The following ACSL3 variants were observed in gnomAD, a reference collection of about 807,000 sequenced individuals.
ACSL3 encodes acyl-CoA synthetase long chain family member 3, also known as fatty acid CoA ligase Acsl3.
A neutral mutation model predicts 84.7 loss-of-function variants in ACSL3; 34 were observed. The ratio of observed to expected loss-of-function variants is 0.40; its 90% CI spans 0.31 to 0.53. ACSL3 has a LOEUF of 0.53. ACSL3 is among the 20% of genes least tolerant of loss of function. The pLI, the probability that ACSL3 is intolerant of heterozygous loss-of-function variation, is 0.48. For synonymous variants in ACSL3, 315 were observed against 299.4 expected (o/e 1.05, Z -0.54); for missense variants, 680 against 873.1 (o/e 0.78, Z 2.79).
intron 1 of ACSL3, among the ~76,000 whole-genome samples, chr2:222,866,372 T>C (rs543287094): frequency 4.1e-4 from 62 of 152,270 alleles, no homozygotes; most frequent in African/African-American, 1.4e-3. Context: ...GTCTTGATCT[T>C]CTGACCTTGT....
chr2:222,894,376 A>G (rs913200855), intron 2 of ACSL3, among the ~76,000 whole-genome samples: 6 of 152,372 alleles, frequency 3.9e-5, no homozygotes, highest in South Asian at 2.1e-4. Context: ...AAAATATAAG[A>G]TGTAAATAAC....
intron 1 of ACSL3, among the ~76,000 whole-genome samples, chr2:222,861,909 A>AC (rs1232492138): frequency 2.0e-5 from 3 of 152,058 alleles, no homozygotes; most frequent in Non-Finnish European, 2.9e-5. Context: ...ACTGCTTACT[A>AC]CCAGCAGTCC....
At chr2:222,925,945 T>C (rs1696865692) in intron 11 of ACSL3, among the ~76,000 whole-genome samples, 2 of 152,216 alleles carry the variant, frequency 1.3e-5, no homozygotes, top group Non-Finnish European at 1.5e-5. Context: ...TTTTTTATGG[T>C]AATATTAATA....
intron 1 of ACSL3, among the ~76,000 whole-genome samples, chr2:222,881,419 A>C (rs528293943): frequency 4.2e-4 from 64 of 152,350 alleles, no homozygotes; most frequent in African/African-American, 1.5e-3. Flanking sequence ...TTTCAGTATG[A>C]TGTTTAATGT....
chr2:222,867,757 G>C (rs1322518551), intron 1 of ACSL3, among the ~76,000 whole-genome samples: 1 of 152,056 alleles, frequency 6.6e-6, no homozygotes, highest in African/African-American at 2.4e-5. Context: ...TTACCGTTAA[G>C]TATTATTGAA....
At chr2:222,934,391 A>G (rs992188384) in intron 15 of ACSL3, 139 bp from the exon 16 acceptor site, 1 of 587,846 alleles carries the variant, frequency 1.7e-6, no homozygotes, top group East Asian at 3.4e-5. Flanking sequence ...GTTGCATGAA[A>G]TGGATATGCC....
In ACSL3 at chr2:222,918,100, A is replaced by G. The variant is rs1424241291; in HGVS notation, c.611A>G (p.Glu204Gly). 6.2e-7 allele frequency: 1 copy of G among 1,612,652 alleles called. No individual in the cohort carries two copies. The highest frequency in any genetic ancestry group is 8.5e-7 in the Non-Finnish European group (1 of 1,179,234). ...CCAGCCATTGTTCATGCATTAAATG[A>G]AACAGAGGTGACCAACATCATTACT... is the stretch of plus-strand genomic sequence containing the variant. ...GGPAIVHALN[E>G]TEVTNIITSK... Residue 204 changes from glutamate to glycine, a missense_variant, in exon 6 of 17, where the codon GAA becomes GGA. Coordinates refer to ENST00000357430, the MANE Select transcript of ACSL3 (RefSeq NM_004457.5).
intron 2 of ACSL3, among the ~76,000 whole-genome samples, chr2:222,890,951 G>T (rs984438429): frequency 9.9e-5 from 15 of 152,140 alleles, no homozygotes; most frequent in African/African-American, 3.6e-4. Flanking sequence ...CCGAAAAGAG[G>T]TATATTTAAA....
At chr2:222,933,438 C>T in intron 15 of ACSL3, 158 bp downstream of exon 15, 1 of 538,500 alleles carries the variant, frequency 1.9e-6, no homozygotes, top group Non-Finnish European at 3.3e-6. Flanking sequence ...TTAGCTGACT[C>T]TTTTCCTTGT....
intron 4 of ACSL3, among the ~76,000 whole-genome samples, chr2:222,915,912 A>AT (rs1192608608): frequency 6.6e-6 from 1 of 152,220 alleles, no homozygotes; most frequent in Non-Finnish European, 1.5e-5. Context: ...ATAGAGAGAA[A>AT]TTAAAATTTT....
chr2:222,861,993 G>C (rs1695027388), intron 1 of ACSL3, among the ~76,000 whole-genome samples: 1 of 152,176 alleles, frequency 6.6e-6, no homozygotes, highest in Admixed American at 6.5e-5. Flanking sequence ...GGTTTTCGCA[G>C]GAAGTCTGAT....
intron 6 of ACSL3, 33 bp downstream of exon 6, chr2:222,918,188 T>A: frequency 6.9e-7 from 1 of 1,443,518 alleles, no homozygotes; most frequent in Non-Finnish European, 9.7e-7. Flanking sequence ...AACTGTCTGA[T>A]ACTTTAGAAT....
At chr2:222,937,058 C>G (rs184833520) in intron 16 of ACSL3, among the ~76,000 whole-genome samples, 14 of 152,276 alleles carry the variant, frequency 9.2e-5, no homozygotes, top group African/African-American at 3.4e-4. Flanking sequence ...CAGAACTAAA[C>G]CTTATCAGGA....
chr2:222,902,737 A>G (rs1359811546), intron 3 of ACSL3, among the ~76,000 whole-genome samples: 1 of 152,222 alleles, frequency 6.6e-6, no homozygotes, highest in Non-Finnish European at 1.5e-5. Context: ...CACAAATTGA[A>G]TACCAGGGCC....
chr2:222,914,987 A>G (rs527795210), intron 4 of ACSL3, among the ~76,000 whole-genome samples: 3 of 152,386 alleles, frequency 2.0e-5, no homozygotes, highest in African/African-American at 2.4e-5. Flanking sequence ...GCATGAGTTT[A>G]CATATTTAGA....
intron 3 of ACSL3, among the ~76,000 whole-genome samples, chr2:222,907,207 A>G (rs1696315532): frequency 1.3e-5 from 2 of 152,200 alleles, no homozygotes; most frequent in African/African-American, 4.8e-5. Context: ...GGTGAGGCAA[A>G]GATGATCTGT....
intron 1 of ACSL3, among the ~76,000 whole-genome samples, chr2:222,867,844 G>T (rs149104499): frequency 6.6e-6 from 1 of 151,428 alleles, no homozygotes; most frequent in South Asian, 2.1e-4. Context: ...TTTTTGTCTC[G>T]GCCTTCCTCT....
At chr2:222,880,747 G>C (rs747723092) in intron 1 of ACSL3, among the ~76,000 whole-genome samples, 1 of 150,888 alleles carries the variant, frequency 6.6e-6, no homozygotes, top group Non-Finnish European at 1.5e-5. Context: ...GGAGAATGGC[G>C]TGAACCCGGG....
At chr2:222,876,992 T>A (rs796378478) in intron 1 of ACSL3, among the ~76,000 whole-genome samples, 5 of 152,122 alleles carry the variant, frequency 3.3e-5, no homozygotes, top group African/African-American at 1.2e-4. Context: ...TAGAGCATAG[T>A]TTTTCTGAGT....
Sources: allele counts gnomAD v4.1 joint callset (sites outside exome capture counted in the v4.1 genomes callset), GRCh38; gene constraint gnomAD v4.1.1; transcripts MANE v1.5; gene names NCBI Gene and HGNC (gene_info 2026-07-23, HGNC 2026-07-21).